SYCP1: variants seen among roughly 807,000 people sequenced by gnomAD.
The protein encoded by SYCP1 is cancer/testis antigen 8.
Under a neutral mutation model 153.1 loss-of-function variants are expected in SYCP1, and 64 were observed. The observed-to-expected ratio is 0.42, with a 90% CI of 0.34 to 0.51. SYCP1 has a LOEUF of 0.51. Ranked by LOEUF, SYCP1 falls within the 20% of genes least tolerant of loss-of-function variation. The pLI is 0.06. For synonymous variants in SYCP1, 384 were observed against 341.8 expected (o/e 1.12, Z -1.36); for missense variants, 997 against 1,049.0 (o/e 0.95, Z 0.68).
intron 16 of SYCP1, among the ~76,000 whole-genome samples, chr1:114,905,148 CTTTTG>C (rs1452129835): frequency 2.0e-5 from 3 of 152,018 alleles, no homozygotes; most frequent in African/African-American, 7.3e-5. Flanking sequence ...GATTTCTTTT[CTTTTG>C]CTATCTGTGT....
At chr1:114,913,808 T>C (rs1668335966) in intron 19 of SYCP1, among the ~76,000 whole-genome samples, 167 bp from the exon 20 acceptor site, 1 of 152,060 alleles carries the variant, frequency 6.6e-6, no homozygotes, top group African/African-American at 2.4e-5. Context: ...ATAATTAAAG[T>C]AAGGCTTAAA....
At chr1:114,923,018 T>C (rs917034835) in intron 20 of SYCP1, among the ~76,000 whole-genome samples, 1 of 152,228 alleles carries the variant, frequency 6.6e-6, no homozygotes, top group South Asian at 2.1e-4. Context: ...TGACTCTATA[T>C]ACCACATTCA....
At chr1:114,919,506 A>G (rs1668723611) in intron 20 of SYCP1, among the ~76,000 whole-genome samples, 1 of 151,850 alleles carries the variant, frequency 6.6e-6, no homozygotes, top group Non-Finnish European at 1.5e-5. Context: ...TCAGGGTAAT[A>G]CTTGCCTCAC....
intron 16 of SYCP1, among the ~76,000 whole-genome samples, chr1:114,907,531 A>G (rs956035559): frequency 6.6e-6 from 1 of 150,424 alleles, no homozygotes; most frequent in Non-Finnish European, 1.5e-5. Context: ...TGTATCCATT[A>G]CCTTGTCTAT....
rs978167203 is a variant in SYCP1 at position 114,895,518 on chromosome 1, A to G, written c.1320+9A>G. 2 of 1,420,220 alleles carry G rather than the reference A, an allele frequency of 1.4e-6. No homozygotes were observed. The highest frequency in any genetic ancestry group is 1.9e-6 in the Non-Finnish European group (2 of 1,040,860). The allele number at this position is 1,420,220 out of a possible 1,614,324, so 88.0% of individuals were successfully genotyped here. On this transcript the variant is annotated intron_variant, in intron 16 of 31. Coordinates refer to ENST00000369522, the MANE Select transcript of SYCP1 (RefSeq NM_003176.4). ...AATTGAAAAAAGTCTTGGTAAGTAT[A>G]GTCTTTCCTATTAATATATAGCAAT... is the stretch of plus-strand genomic sequence containing the variant.
At chr1:114,936,409 A>C (rs1420457100) in intron 23 of SYCP1, among the ~76,000 whole-genome samples, 1 of 152,188 alleles carries the variant, frequency 6.6e-6, no homozygotes. Context: ...ATCTCAAAAT[A>C]ATAAGAGCTA....
At chr1:114,964,779 G>C (rs1049015194) in intron 27 of SYCP1, among the ~76,000 whole-genome samples, 15 of 152,202 alleles carry the variant, frequency 9.9e-5, no homozygotes, top group African/African-American at 3.4e-4. Flanking sequence ...TTGTAGTATA[G>C]TTTGAAGTCA....
At chr1:114,861,314 A>G (rs1483647482) in intron 8 of SYCP1, among the ~76,000 whole-genome samples, 1 of 152,130 alleles carries the variant, frequency 6.6e-6, no homozygotes, top group Non-Finnish European at 1.5e-5. Flanking sequence ...ATTTTAAAGC[A>G]TGTTTTCATT....
rs562811222 is a variant in SYCP1, at chr1:114,939,099, T to C, written c.1927-5240T>C. 4.6e-5 allele frequency among the ~76,000 whole-genome samples: 7 copies of C among 152,284 alleles called. No individual in the cohort carries two copies. In the South Asian group the frequency reaches 1.2e-3, roughly 27 times the overall value. Reference sequence around the variant, plus strand: ...TTGAAAGCATAGTCTCAAAGAGATATATGTTCACCTATGTTCATAGCAACA... The same window carrying C: ...TTGAAAGCATAGTCTCAAAGAGATACATGTTCACCTATGTTCATAGCAACA... On this transcript the variant is annotated intron_variant, in intron 23 of 31. Transcript: ENST00000369522.
chr1:114,960,204 G>A (rs1671697464), intron 27 of SYCP1, among the ~76,000 whole-genome samples: 1 of 115,032 alleles, frequency 8.7e-6, no homozygotes, highest in Non-Finnish European at 1.6e-5. Context: ...GTCTTGCTCT[G>A]TTGCCCATGC....
At chr1:114,880,706 A>G (rs1046400987) in intron 12 of SYCP1, among the ~76,000 whole-genome samples, 32 of 152,332 alleles carry the variant, frequency 2.1e-4, no homozygotes, top group Admixed American at 1.1e-3. Context: ...CCAGATCGGC[A>G]GATGTCAGTT....
chr1:114,881,056 T>TATATATATATATAC (rs375436670), intron 12 of SYCP1, among the ~76,000 whole-genome samples: 47 of 145,044 alleles, frequency 3.2e-4, no homozygotes, highest in African/African-American at 1.2e-3. Flanking sequence ...TTTGTGTATA[T>TATATATATATATAC]ACACACACAC....
At chr1:114,896,422 T>C (rs1350894652) in intron 16 of SYCP1, among the ~76,000 whole-genome samples, 1 of 152,244 alleles carries the variant, frequency 6.6e-6, no homozygotes, top group Non-Finnish European at 1.5e-5. Context: ...AAACCTCTCT[T>C]GATACTCTAG....
intron 27 of SYCP1, among the ~76,000 whole-genome samples, 200 bp downstream of exon 27, chr1:114,947,520 A>C (rs543030425): frequency 1.6e-4 from 25 of 152,186 alleles, no homozygotes; most frequent in Non-Finnish European, 2.9e-4. Context: ...ATATAAGTGT[A>C]CTTTTAAGAA....
intron 27 of SYCP1, among the ~76,000 whole-genome samples, chr1:114,957,477 A>C (rs930825063): frequency 6.6e-6 from 1 of 152,224 alleles, no homozygotes; most frequent in Non-Finnish European, 1.5e-5. Flanking sequence ...TCTGCACAGC[A>C]AAGGAAACAG....
At chr1:114,901,479 C>T (rs1255507876) in intron 16 of SYCP1, among the ~76,000 whole-genome samples, 1 of 152,044 alleles carries the variant, frequency 6.6e-6, no homozygotes, top group African/African-American at 2.4e-5. Context: ...CAAGGCAGTG[C>T]GTGGAGGGGA....
chr1:114,894,205 T>A (rs1481883560), intron 15 of SYCP1, among the ~76,000 whole-genome samples: 1 of 152,158 alleles, frequency 6.6e-6, no homozygotes, highest in East Asian at 1.9e-4. Flanking sequence ...AAGCTATGTA[T>A]ACGCCAGGTT....
Position 114,995,035 on chromosome 1 carries a change from G to GT in SYCP1, c.*17dup. On this transcript the variant is annotated 3_prime_UTR_variant, in exon 32 of 32. Coordinates refer to ENST00000369522, the MANE Select transcript of SYCP1 (RefSeq NM_003176.4). ...ATTTGTTTAATTTCAGAGAATCAGT[G>GT]TAGTTAAGGAGCCTAATAACGTGAA... 1 of 1,582,784 alleles carries GT rather than the reference G, an allele frequency of 6.3e-7. No homozygotes were observed. The highest frequency in any genetic ancestry group is 8.6e-7 in the Non-Finnish European group (1 of 1,168,382).
intron 27 of SYCP1, among the ~76,000 whole-genome samples, chr1:114,947,686 G>A (rs1176920087): frequency 1.3e-5 from 2 of 151,134 alleles, no homozygotes; most frequent in African/African-American, 2.4e-5. Context: ...GGTGGCGGGC[G>A]CCTGTAGTCC....
Sources: allele counts gnomAD v4.1 joint callset (sites outside exome capture counted in the v4.1 genomes callset), GRCh38; gene constraint gnomAD v4.1.1; transcripts MANE v1.5; gene names NCBI Gene and HGNC (gene_info 2026-07-23, HGNC 2026-07-21).